The following MAP3K5 variants were observed in gnomAD, a reference collection of about 807,000 sequenced individuals.
The protein encoded by MAP3K5 is mitogen-activated protein kinase kinase kinase 5.
MAP3K5 carries 56 observed loss-of-function variants against 158.7 expected under a neutral mutation model. The ratio of observed to expected loss-of-function variants is 0.35; its 90% CI spans 0.28 to 0.44. The LOEUF is 0.44. MAP3K5 is among the 20% of genes least tolerant of loss of function. MAP3K5 has a pLI of 1.00. For synonymous variants in MAP3K5, 579 were observed against 601.7 expected (o/e 0.96, Z 0.55); for missense variants, 1,294 against 1,674.8 (o/e 0.77, Z 3.97).
chr6:136,668,775 A>G (rs548149062), intron 8 of MAP3K5, among the ~76,000 whole-genome samples: 9 of 152,294 alleles, frequency 5.9e-5, no homozygotes, highest in Admixed American at 3.3e-4. Context: ...TGGTCTGAGG[A>G]GCCTACTTCC....
At chr6:136,688,530 T>TTGACCTGAAGACCTTGAACA (rs1344596168) in intron 7 of MAP3K5, among the ~76,000 whole-genome samples, 1 of 152,206 alleles carries the variant, frequency 6.6e-6, no homozygotes, top group African/African-American at 2.4e-5. Context: ...CATCTTCAAT[T>TTGACCTGAAGACCTTGAACA]TGACCTGAAG....
intron 3 of MAP3K5, among the ~76,000 whole-genome samples, chr6:136,704,312 G>A (rs1780978790): frequency 6.6e-6 from 1 of 152,138 alleles, no homozygotes; most frequent in Non-Finnish European, 1.5e-5. Flanking sequence ...AGACACTGGA[G>A]AGACGATCTA....
At chr6:136,765,247 C>T (rs953557654) in intron 1 of MAP3K5, among the ~76,000 whole-genome samples, 4 of 152,126 alleles carry the variant, frequency 2.6e-5, no homozygotes, top group African/African-American at 9.7e-5. Flanking sequence ...TAATTCCTTA[C>T]GTGCATGATC....
chr6:136,643,494 G>A (rs1401860896), intron 11 of MAP3K5, among the ~76,000 whole-genome samples: 1 of 152,198 alleles, frequency 6.6e-6, no homozygotes, highest in Non-Finnish European at 1.5e-5. Context: ...AGGAGGCTGA[G>A]GTCTTGCCTG....
intron 2 of MAP3K5, among the ~76,000 whole-genome samples, chr6:136,716,323 A>G (rs1376624522): frequency 2.6e-5 from 4 of 152,116 alleles, no homozygotes; most frequent in Non-Finnish European, 5.9e-5. Context: ...CAATCTGGCC[A>G]TCTGTAGTAT....
At chr6:136,659,414 C>T in intron 8 of MAP3K5, 36 bp from the exon 9 acceptor site, 1 of 1,595,008 alleles carries the variant, frequency 6.3e-7, no homozygotes, top group Non-Finnish European at 8.6e-7. Context: ...GTTACAAATG[C>T]ACCCCACACA....
chr6:136,769,718 G>C (rs1784098213), intron 1 of MAP3K5, among the ~76,000 whole-genome samples: 4 of 141,350 alleles, frequency 2.8e-5, no homozygotes, highest in African/African-American at 5.3e-5. Flanking sequence ...CAACCAATGT[G>C]CACTGAAGGA....
At chr6:136,701,855 T>C (rs1224504872) in intron 3 of MAP3K5, among the ~76,000 whole-genome samples, 2 of 152,246 alleles carry the variant, frequency 1.3e-5, no homozygotes. Flanking sequence ...GATAAAATTA[T>C]GTAGCCTCAG....
chr6:136,631,130 G>A (rs1340666527), intron 14 of MAP3K5, among the ~76,000 whole-genome samples: 1 of 152,164 alleles, frequency 6.6e-6, no homozygotes, highest in African/African-American at 2.4e-5. Flanking sequence ...AATAAAGTTT[G>A]TCTGCTCTCC....
chr6:136,686,892 T>C (rs892058659), intron 7 of MAP3K5, among the ~76,000 whole-genome samples: 4 of 152,100 alleles, frequency 2.6e-5, no homozygotes, highest in Admixed American at 6.6e-5. Context: ...TAAGCTACCA[T>C]TGACATTCTT....
chr6:136,651,171 C>G (rs1302795208), intron 10 of MAP3K5, 80 bp from the exon 11 acceptor site: 1 of 681,102 alleles, frequency 1.5e-6, no homozygotes, highest in African/African-American at 1.8e-5. Context: ...ACCCCAGCAC[C>G]AACGTAGAGG....
intron 1 of MAP3K5, among the ~76,000 whole-genome samples, chr6:136,746,386 T>A (rs778486924): frequency 1.3e-5 from 2 of 152,188 alleles, no homozygotes; most frequent in Non-Finnish European, 2.9e-5. Context: ...GATGTCTGAC[T>A]ATGAGCTATT....
chr6:136,615,307 A>G (rs1776515550), intron 15 of MAP3K5, among the ~76,000 whole-genome samples: 1 of 152,262 alleles, frequency 6.6e-6, no homozygotes, highest in South Asian at 2.1e-4. Flanking sequence ...GAAGAAAAAC[A>G]ACACAGAGCA....
chr6:136,653,896 G>T (rs574537864), intron 10 of MAP3K5, among the ~76,000 whole-genome samples: 11 of 152,186 alleles, frequency 7.2e-5, no homozygotes, highest in African/African-American at 2.2e-4. Context: ...ACAAACTATA[G>T]AAAAGAAGTT....
chr6:136,697,346 G>A lies in MAP3K5; in HGVS notation c.848C>T (p.Ala283Val), dbSNP rs1249696194. 3.7e-6 allele frequency: 6 copies of A among 1,613,480 alleles called. No individual in the cohort carries two copies. The highest frequency in any genetic ancestry group is 4.2e-6 in the Non-Finnish European group (5 of 1,179,640). The change falls in exon 5 of 30, where the codon GCT becomes GTT. Residue 283 changes from alanine to valine, a missense_variant. Transcript: ENST00000359015. Reference protein sequence around the residue: ...RESILNDIRKARNLYTGKELA... With the variant: ...RESILNDIRKVRNLYTGKELA... ...TTCTTTACCAGTGTATAAATTACGA[G>A]CTTTCCTGATGTCATTGAGTATAGA...
At chr6:136,707,266 G>T (rs1562631806) in intron 2 of MAP3K5, among the ~76,000 whole-genome samples, 1 of 152,190 alleles carries the variant, frequency 6.6e-6, no homozygotes, top group African/African-American at 2.4e-5. Context: ...GTGTGTATAC[G>T]CACAATTGCT....
chr6:136,771,079 G>A (rs1303958765), intron 1 of MAP3K5, among the ~76,000 whole-genome samples: 1 of 152,128 alleles, frequency 6.6e-6, no homozygotes. Context: ...TGAGGCTCCT[G>A]TGGGCCAGCC....
At chr6:136,633,470 A>G (rs1392811446) in intron 14 of MAP3K5, among the ~76,000 whole-genome samples, 1 of 151,846 alleles carries the variant, frequency 6.6e-6, no homozygotes, top group African/African-American at 2.4e-5. Context: ...TAAGGAATGA[A>G]GTCATCTTAG....
At chr6:136,778,186 G>C (rs1274319023) in intron 1 of MAP3K5, among the ~76,000 whole-genome samples, 1 of 151,926 alleles carries the variant, frequency 6.6e-6, no homozygotes, top group African/African-American at 2.4e-5. Flanking sequence ...ATTTATAAGA[G>C]ATCTGAAAGG....
Sources: allele counts gnomAD v4.1 joint callset (sites outside exome capture counted in the v4.1 genomes callset), GRCh38; gene constraint gnomAD v4.1.1; transcripts MANE v1.5; gene names NCBI Gene and HGNC (gene_info 2026-07-23, HGNC 2026-07-21).